The following MAST4 variants were observed in gnomAD, a reference collection of about 807,000 sequenced individuals.
MAST4 encodes microtubule associated serine/threonine kinase family member 4, also known as microtubule-associated serine/threonine-protein kinase 4.
Under a neutral mutation model 162.7 loss-of-function variants are expected in MAST4, and 89 were observed. The ratio of observed to expected loss-of-function variants is 0.55; its 90% confidence interval spans 0.46 to 0.65. MAST4 has a LOEUF of 0.65. Ranked by LOEUF, MAST4 falls within the 30% of genes least tolerant of loss-of-function variation. MAST4 has a pLI of 0.00. For synonymous variants in MAST4, 1,479 were observed against 1,361.1 expected, an observed-to-expected ratio of 1.09 and a Z score of -1.91; for missense variants, 3,153 against 3,374.0, an observed-to-expected ratio of 0.93 and a Z score of 1.62.
intron 1 of MAST4, among the ~76,000 whole-genome samples, chr5:66,644,283 G>A (rs1248177696): frequency 6.6e-6 from 1 of 151,948 alleles, no homozygotes; most frequent in Non-Finnish European, 1.5e-5. Flanking sequence ...ATTTCTCTGG[G>A]GATTATATTC....
At chr5:66,829,305 C>T (rs916528433) in intron 3 of MAST4, among the ~76,000 whole-genome samples, 2 of 151,954 alleles carry the variant, frequency 1.3e-5, no homozygotes, top group Admixed American at 6.6e-5. Context: ...GTCTGATCGC[C>T]TTGCAGTTGT....
At chr5:66,864,704 A>C (rs979036823) in intron 3 of MAST4, among the ~76,000 whole-genome samples, 1 of 150,992 alleles carries the variant, frequency 6.6e-6, no homozygotes, top group Non-Finnish European at 1.5e-5. Flanking sequence ...ATGAAGACAC[A>C]AGGAGAAGAC....
chr5:66,845,126 T>TATATATATATATATACACACAC (rs1358855625), intron 3 of MAST4, among the ~76,000 whole-genome samples: 4 of 67,174 alleles, frequency 6.0e-5, no homozygotes, highest in South Asian at 1.3e-3. Context: ...TATATATATA[T>TATATATATATATATACACACAC]ACACACACAC....
chr5:67,163,926 A>G lies in MAST4; in HGVS notation c.4747A>G (p.Arg1583Gly). Residue 1583 changes from arginine to glycine, a missense_variant, in exon 29 of 29, where the codon AGG becomes GGG. By Grantham distance (125) the Arg-to-Gly change is moderately radical. Around this residue, in one of 7 missense-constraint regions of MAST4, gnomAD observed 1,644 missense variants for 1,495.0 expected, o/e 1.10. Coordinates refer to ENST00000403625, the MANE Select transcript of MAST4 (RefSeq NM_001164664.2). This position sits in a 1 kb window ranked among gnomAD's most constrained non-coding sequence, Gnocchi z 7.0. ...GAAAGTCTATCCGAAGGCTGTGGAA[A>G]GGTCAAGTACTTTTGAAAACAAAGC... ...EKKVYPKAVE[R>G]SSTFENKASM... 1 of 1,613,982 alleles carries G rather than the reference A, an allele frequency of 6.2e-7. No individual in the cohort carries two copies. The highest frequency in any genetic ancestry group is 8.5e-7 in the Non-Finnish European group (1 of 1,179,864).
At chr5:66,618,145 A>C (rs911521823) in intron 1 of MAST4, among the ~76,000 whole-genome samples, 1 of 152,180 alleles carries the variant, frequency 6.6e-6, no homozygotes, top group African/African-American at 2.4e-5. Context: ...TTGTGGAGAA[A>C]GAGAATCTTT....
intron 4 of MAST4, chr5:66,986,487 A>C: frequency 1.3e-6 from 2 of 1,569,524 alleles, no homozygotes; most frequent in Non-Finnish European, 1.7e-6. Flanking sequence ...CCTTGGATGA[A>C]TTGCCACCAC....
At chr5:66,939,019 A>C (rs940167111) in intron 4 of MAST4, among the ~76,000 whole-genome samples, 4 of 152,224 alleles carry the variant, frequency 2.6e-5, no homozygotes, top group Admixed American at 2.6e-4. Flanking sequence ...AAAAGACAGT[A>C]GACAGACAAT....
chr5:67,007,531 A>T (rs1581179192), intron 4 of MAST4, among the ~76,000 whole-genome samples: 1 of 152,226 alleles, frequency 6.6e-6, no homozygotes, highest in East Asian at 1.9e-4. Flanking sequence ...TGTTCTGATT[A>T]ACATTGTAAT....
At chr5:67,076,981 C>T (rs533199862) in intron 5 of MAST4, among the ~76,000 whole-genome samples, 3 of 152,298 alleles carry the variant, frequency 2.0e-5, no homozygotes, top group African/African-American at 7.2e-5. Context: ...TTCTGATACA[C>T]TCTACAGTTG....
At chr5:67,120,642 T>C (rs1767467799) in intron 13 of MAST4, among the ~76,000 whole-genome samples, 1 of 152,150 alleles carries the variant, frequency 6.6e-6, no homozygotes, top group South Asian at 2.1e-4. Flanking sequence ...TAGAGCCCCA[T>C]GTAGAGCCAC....
intron 6 of MAST4, among the ~76,000 whole-genome samples, chr5:67,091,595 T>C (rs1283763221): frequency 6.6e-6 from 1 of 152,208 alleles, no homozygotes; most frequent in Non-Finnish European, 1.5e-5. Context: ...GTGTTTACTA[T>C]AGTCTTTAAA....
At chr5:66,956,474 G>T (rs1281552114) in intron 4 of MAST4, among the ~76,000 whole-genome samples, 1 of 152,124 alleles carries the variant, frequency 6.6e-6, no homozygotes, top group African/African-American at 2.4e-5. Flanking sequence ...TACGACCGCA[G>T]TTCCCCCTTT....
At chr5:66,628,484 A>G (rs1309175490) in intron 1 of MAST4, among the ~76,000 whole-genome samples, 1 of 152,124 alleles carries the variant, frequency 6.6e-6, no homozygotes, top group East Asian at 1.9e-4. Flanking sequence ...TAACGCACTC[A>G]GGCTGAATTC....
intron 1 of MAST4, among the ~76,000 whole-genome samples, chr5:66,724,472 A>G (rs1399984311): frequency 1.3e-5 from 2 of 152,182 alleles, no homozygotes; most frequent in East Asian, 3.8e-4. Flanking sequence ...GAGTGTATTT[A>G]TGTATTATGA....
intron 11 of MAST4, 85 bp downstream of exon 11, chr5:67,110,284 A>G: frequency 2.1e-6 from 2 of 933,456 alleles, no homozygotes; most frequent in Non-Finnish European, 3.5e-6. Flanking sequence ...TTTGGTTTCC[A>G]GCACCAGAGC....
At chr5:67,149,258 G>A (rs534159499) in intron 23 of MAST4, 131 bp from the exon 24 acceptor site, 19 of 744,050 alleles carry the variant, frequency 2.6e-5, no homozygotes, top group African/African-American at 1.1e-4. Context: ...GCCTGACACC[G>A]TCTGGACTTA....
At chr5:66,662,305 A>C (rs550805990) in intron 1 of MAST4, 1 of 152,278 alleles carries the variant, frequency 6.6e-6, no homozygotes, top group African/African-American at 2.4e-5. Context: ...TTTGTTGGCT[A>C]TATGTGAGAC....
chr5:66,674,968 T>C (rs1205159814), intron 1 of MAST4, among the ~76,000 whole-genome samples: 1 of 152,190 alleles, frequency 6.6e-6, no homozygotes, highest in Admixed American at 6.5e-5. Context: ...GCCAGGCAGC[T>C]AAGAACACAG....
chr5:66,652,515 G>A (rs1009090130), intron 1 of MAST4, among the ~76,000 whole-genome samples: 2 of 152,152 alleles, frequency 1.3e-5, no homozygotes, highest in Non-Finnish European at 2.9e-5. Flanking sequence ...TAACAAATTT[G>A]ACAAAGTAGT....
Sources: gnomAD v4.1 joint callset for allele counts (sites outside exome capture counted in the v4.1 genomes callset) on GRCh38, gnomAD v4.1.1 for gene constraint, gnomAD v4.1.1 regional missense constraint, Gnocchi (gnomAD v3.1) non-coding constraint, MANE v1.5 for transcripts, NCBI Gene and HGNC (gene_info 2026-07-23, HGNC 2026-07-21) for gene names.